KIFAP3: variants seen among roughly 807,000 people sequenced by gnomAD.
The protein encoded by KIFAP3 is kinesin-associated protein 3.
KIFAP3 carries 68 observed loss-of-function variants against 106.5 expected under a neutral mutation model. That is an observed-to-expected ratio of 0.64 (90% confidence interval 0.53 to 0.78). The LOEUF (loss-of-function observed/expected upper bound fraction) is 0.78. Ranked by LOEUF, KIFAP3 falls within the 30% of genes least tolerant of loss-of-function variation. The pLI, the probability that KIFAP3 is intolerant of heterozygous loss-of-function variation, is 0.00. For synonymous variants in KIFAP3, 320 were observed against 311.5 expected, an observed-to-expected ratio of 1.03 and a Z score of -0.29; for missense variants, 780 against 941.8, an observed-to-expected ratio of 0.83 and a Z score of 2.25.
intron 10 of KIFAP3, among the ~76,000 whole-genome samples, chr1:170,011,077 G>A (rs1418382034): frequency 6.6e-6 from 1 of 151,890 alleles, no homozygotes; most frequent in Non-Finnish European, 1.5e-5. Flanking sequence ...TCTCCACAGT[G>A]AAGAAAATGT....
At chr1:169,978,288 G>T (rs1666334161) in intron 15 of KIFAP3, 105 bp from the exon 16 acceptor site, 2 of 684,276 alleles carry the variant, frequency 2.9e-6, no homozygotes, top group East Asian at 5.6e-5. Flanking sequence ...AAGTGATAAG[G>T]AGACAAGCAA....
At chr1:170,072,616 T>C (rs1671757093) in intron 1 of KIFAP3, among the ~76,000 whole-genome samples, 2 of 152,186 alleles carry the variant, frequency 1.3e-5, no homozygotes, top group Admixed American at 6.5e-5. Context: ...AACCAAAATA[T>C]GGAATTACTC....
intron 8 of KIFAP3, among the ~76,000 whole-genome samples, chr1:170,031,549 G>A (rs993079421): frequency 6.6e-6 from 1 of 151,538 alleles, no homozygotes; most frequent in African/African-American, 2.4e-5. Context: ...CAATTTCCTA[G>A]GAAAGCAACA....
In KIFAP3 at chr1:169,978,172, C is replaced by T; in HGVS notation, c.1810G>A (p.Asp604Asn). The T allele has an allele frequency of 6.2e-7, 1 of 1,609,544 alleles. No homozygotes were observed. The highest frequency in any genetic ancestry group is 8.5e-7 in the Non-Finnish European group (1 of 1,176,494). The change falls in exon 16 of 20, where the codon GAT becomes AAT. Residue 604 changes from aspartate to asparagine, a missense_variant. This residue lies in a region of KIFAP3 where 78 missense variants were observed against 140.6 expected (regional missense o/e 0.55). Coordinates refer to ENST00000361580, the MANE Select transcript of KIFAP3 (RefSeq NM_014970.4). ...LIELLNAQQE[D>N]DEFVCQIIYV... ...ATTATCTGACACACAAATTCATCAT[C>T]TTCTTGTTGAGCTGTAAATAAACAA... is the stretch of plus-strand genomic sequence containing the variant.
intron 11 of KIFAP3, 62 bp downstream of exon 11, chr1:169,992,093 G>A: frequency 1.3e-6 from 1 of 743,240 alleles, no homozygotes; most frequent in Non-Finnish European, 2.0e-6. Flanking sequence ...CAAATCAAGA[G>A]AAAAGAGTAA....
chr1:169,979,161 A>T (rs1666378664), intron 15 of KIFAP3, among the ~76,000 whole-genome samples: 1 of 152,078 alleles, frequency 6.6e-6, no homozygotes, highest in Admixed American at 6.6e-5. Context: ...TCTTGATTAT[A>T]ATCACTATGG....
At chr1:170,053,068 T>C (rs1219581323) in intron 2 of KIFAP3, among the ~76,000 whole-genome samples, 1 of 152,210 alleles carries the variant, frequency 6.6e-6, no homozygotes, top group Non-Finnish European at 1.5e-5. Flanking sequence ...TGTTTGCAGA[T>C]GACATGATTG....
chr1:170,055,237 A>G lies in KIFAP3; in HGVS notation c.164+68T>C, dbSNP rs1670782086. The stretch of plus-strand genomic sequence containing the variant: ...TTAATCACCTATGCTGATCAAAATA[A>G]TATCAGATTTGTATAAAGTTTATAT... On this transcript the variant is annotated intron_variant, in intron 2 of 19. Transcript: ENST00000361580. The G allele has an allele frequency of 8.7e-6, 12 of 1,386,836 alleles. No homozygotes were observed. In the Admixed American group the frequency reaches 9.1e-5, roughly 11 times the overall value. 85.9% of individuals were successfully genotyped at this position (1,386,836 alleles called of 1,614,324 possible). A position where few individuals can be genotyped will look rare whatever the true frequency, so the allele number is the denominator to read the frequency against.
At chr1:170,021,150 C>T (rs531509696) in intron 9 of KIFAP3, among the ~76,000 whole-genome samples, 58 of 152,170 alleles carry the variant, frequency 3.8e-4, no homozygotes, top group Non-Finnish European at 7.4e-4. Flanking sequence ...AAGCAAACTA[C>T]GCAACATATA....
At chr1:169,925,492 G>C (rs1342816753) in intron 19 of KIFAP3, among the ~76,000 whole-genome samples, 1 of 151,768 alleles carries the variant, frequency 6.6e-6, no homozygotes, top group Non-Finnish European at 1.5e-5. Flanking sequence ...TATCTAGAGT[G>C]TGTTTTTTTA....
At chr1:169,982,153 T>C (rs1666556104) in intron 14 of KIFAP3, 56 bp from the exon 15 acceptor site, 6 of 1,553,548 alleles carry the variant, frequency 3.9e-6, no homozygotes, top group Non-Finnish European at 5.3e-6. Flanking sequence ...CCAAATTCAT[T>C]TAGAGTATCA....
At chr1:170,039,341 G>C in intron 3 of KIFAP3, 53 bp from the exon 4 acceptor site, 1 of 1,016,020 alleles carries the variant, frequency 9.8e-7, no homozygotes, top group Non-Finnish European at 1.5e-6. Context: ...GGGTTTCTAG[G>C]TAATTTTTAT....
At chr1:170,048,857 C>A (rs1255350140) in intron 2 of KIFAP3, among the ~76,000 whole-genome samples, 1 of 152,088 alleles carries the variant, frequency 6.6e-6, no homozygotes, top group Non-Finnish European at 1.5e-5. Context: ...CCTTGGTGAG[C>A]CTATAACACC....
At chr1:170,005,946 C>T (rs1667937831) in intron 10 of KIFAP3, among the ~76,000 whole-genome samples, 2 of 152,092 alleles carry the variant, frequency 1.3e-5, no homozygotes, top group African/African-American at 4.8e-5. Context: ...TCCCTGATCT[C>T]TCATTTGGCA....
Position 169,992,147 on chromosome 1 carries a change from C to T in KIFAP3, c.1284+8G>A. 1 of 1,373,370 alleles carries T rather than the reference C, an allele frequency of 7.3e-7. No individual in the cohort carries two copies. The highest frequency in any genetic ancestry group is 9.8e-7 in the Non-Finnish European group (1 of 1,022,810). 85.1% of individuals were successfully genotyped at this position (1,373,370 alleles called of 1,614,324 possible). On this transcript the variant is annotated splice_region_variant and intron_variant, in intron 11 of 19. Coordinates refer to ENST00000361580, the MANE Select transcript of KIFAP3 (RefSeq NM_014970.4). ...AAATGTTTTTCATAAAACACTTAAA[C>T]CACTTACCTGTGGTATACAGTCAGT...
At chr1:169,964,127 A>G (rs940254178) in intron 17 of KIFAP3, among the ~76,000 whole-genome samples, 36 of 152,180 alleles carry the variant, frequency 2.4e-4, no homozygotes, top group African/African-American at 8.2e-4. Context: ...ATGGTAATTT[A>G]TACAACCACC....
chr1:170,062,839 A>G (rs1419018698), intron 1 of KIFAP3, among the ~76,000 whole-genome samples: 1 of 152,084 alleles, frequency 6.6e-6, no homozygotes, highest in African/African-American at 2.4e-5. Flanking sequence ...CCACTGATAC[A>G]TTGTGACCCT....
chr1:169,992,761 G>A (rs769301424), intron 10 of KIFAP3, among the ~76,000 whole-genome samples: 3 of 151,978 alleles, frequency 2.0e-5, no homozygotes, highest in East Asian at 1.9e-4. Flanking sequence ...TAACACAGCC[G>A]AAATATAGTA....
chr1:169,964,997 T>G (rs1414783844), intron 17 of KIFAP3, among the ~76,000 whole-genome samples: 1 of 152,104 alleles, frequency 6.6e-6, no homozygotes, highest in Non-Finnish European at 1.5e-5. Flanking sequence ...AAGGATAAAT[T>G]TATTATATCC....
Sources: allele counts gnomAD v4.1 joint callset (sites outside exome capture counted in the v4.1 genomes callset), GRCh38; gene constraint gnomAD v4.1.1; regional missense constraint gnomAD v4.1.1; transcripts MANE v1.5; gene names NCBI Gene and HGNC (gene_info 2026-07-23, HGNC 2026-07-21).